SLC9C1: variants seen among roughly 807,000 people sequenced by gnomAD.
SLC9C1 encodes the protein solute carrier family 9 member C1, also known as sodium/hydrogen exchanger 10.
Under a neutral mutation model 140.9 loss-of-function variants are expected in SLC9C1, and 97 were observed. The observed-to-expected ratio is 0.69, with a 90% confidence interval of 0.58 to 0.82. SLC9C1 has a LOEUF of 0.82. Among genes scored for constraint, SLC9C1 ranks in the 40% least tolerant of loss-of-function variants. The probability of loss-of-function intolerance (pLI) is 0.00; values close to 1 mark genes in which losing one functional copy is unlikely to be tolerated. For missense variants in SLC9C1, 1,340 were observed against 1,389.3 expected, an observed-to-expected ratio of 0.96 and a Z score of 0.56; for synonymous variants, 440 against 442.6, an observed-to-expected ratio of 0.99 and a Z score of 0.07.
In SLC9C1 at chr3:112,164,835, G is replaced by C. The variant is rs140096302; in HGVS notation, c.3364+2386C>G. Among the ~76,000 whole-genome samples, 1,159 of 152,204 alleles carry C rather than the reference G, an allele frequency of 7.6e-3. 17 individuals carry two copies. Among genetic ancestry groups the C allele is most frequent in the African/African-American group, 0.025 (1,039 of 41,490 alleles). ...ATGTTGGCTGCCCTGCTAGATTGGG[G>C]AAGTTCTCCTGGATAATATCCTGCA... On this transcript the variant is annotated intron_variant, in intron 26 of 28. Coordinates refer to ENST00000305815, the MANE Select transcript of SLC9C1 (RefSeq NM_183061.3).
chr3:112,174,030 T>C (rs746992897), intron 23 of SLC9C1, among the ~76,000 whole-genome samples: 17 of 152,212 alleles, frequency 1.1e-4, no homozygotes, highest in Non-Finnish European at 1.6e-4. Flanking sequence ...CAAATGTAAA[T>C]GGTTAGTGAT....
intron 26 of SLC9C1, among the ~76,000 whole-genome samples, chr3:112,162,474 G>T (rs1411466888): frequency 6.6e-6 from 1 of 152,146 alleles, no homozygotes; most frequent in African/African-American, 2.4e-5. Context: ...AGAGTTTTTA[G>T]CATGAAGGGT....
chr3:112,280,772 G>A lies in SLC9C1; in HGVS notation c.100C>T (p.Arg34Trp), dbSNP rs754816914. 129 of 1,609,754 alleles carry A rather than the reference G, an allele frequency of 8.0e-5. No individual in the cohort carries two copies. The East Asian group carries it at 1.4e-3, about 18-fold the overall frequency. Reference protein sequence around the residue: ...LISSIGAFLNRHLEDFPIPVP... With the variant: ...LISSIGAFLNWHLEDFPIPVP... Reference sequence around the variant, plus strand: ...GGAATTGGAAAGTCTTCCAAGTGCCGGTTCAAAAATGCTGCAAAAAATATG... The same window carrying A: ...GGAATTGGAAAGTCTTCCAAGTGCCAGTTCAAAAATGCTGCAAAAAATATG... Residue 34 changes from arginine (R) to tryptophan (W), a missense_variant, in exon 3 of 29, where the codon CGG (arginine) becomes TGG (tryptophan). Arg to Trp is a moderately radical substitution (Grantham distance 101). Transcript: ENST00000305815.
chr3:112,141,357 AG>A, intron 28 of SLC9C1, 76 bp from the exon 29 acceptor site: 1 of 1,472,198 alleles, frequency 6.8e-7, no homozygotes, highest in Middle Eastern at 2.2e-4. Flanking sequence ...AACCCAGAAT[AG>A]GATGTACTAG....
intron 1 of SLC9C1, among the ~76,000 whole-genome samples, chr3:112,287,545 A>G (rs948174497): frequency 6.6e-6 from 1 of 152,216 alleles, no homozygotes; most frequent in African/African-American, 2.4e-5. Context: ...TACTTCTTGG[A>G]AGAGGAACAA....
chr3:112,211,925 C>G (rs1344005651), intron 15 of SLC9C1, among the ~76,000 whole-genome samples: 3 of 152,208 alleles, frequency 2.0e-5, no homozygotes, highest in African/African-American at 7.2e-5. Flanking sequence ...GGATCTCTGA[C>G]CCCCGAGTAG....
At chr3:112,233,536 G>A (rs757658426) in intron 12 of SLC9C1, among the ~76,000 whole-genome samples, 10 of 152,044 alleles carry the variant, frequency 6.6e-5, no homozygotes, top group Non-Finnish European at 1.3e-4. Context: ...CAATGTGCAA[G>A]TTAGTTACAT....
chr3:112,201,032 CTAATA>C (rs1392988070), intron 18 of SLC9C1, among the ~76,000 whole-genome samples: 1 of 151,706 alleles, frequency 6.6e-6, no homozygotes, highest in African/African-American at 2.4e-5. Flanking sequence ...GTATTAATTC[CTAATA>C]TAATTTGGAT....
In SLC9C1 at chr3:112,167,410, A is replaced by G. The variant is rs988882633; in HGVS notation, c.3238-63T>C. 25 of 1,481,376 alleles carry G rather than the reference A, an allele frequency of 1.7e-5. No homozygotes were observed. The African/African-American group carries it at 3.4e-4, about 20-fold the overall frequency. 91.8% of individuals were successfully genotyped at this position (1,481,376 alleles called of 1,614,324 possible). On this transcript the variant is annotated intron_variant, in intron 25 of 28. Transcript: ENST00000305815. ...ATATCCTACAATTAAAAATTTACCTAGTAAGCTGCTATTTCTGGCTTTCTC... is the reference window on the plus strand; with the variant it reads ...ATATCCTACAATTAAAAATTTACCTGGTAAGCTGCTATTTCTGGCTTTCTC...
intron 18 of SLC9C1, among the ~76,000 whole-genome samples, chr3:112,201,552 A>G (rs547952210): frequency 8.5e-5 from 13 of 152,098 alleles, no homozygotes; most frequent in African/African-American, 3.1e-4. Context: ...AAAAGTAAAT[A>G]TTGCATTCCA....
chr3:112,230,354 T>A (rs909625549), intron 13 of SLC9C1, among the ~76,000 whole-genome samples: 4 of 152,124 alleles, frequency 2.6e-5, no homozygotes, highest in Admixed American at 2.0e-4. Context: ...CCTTGGAGCA[T>A]CAGATTTAGG....
chr3:112,148,489 C>T (rs1343722984), intron 28 of SLC9C1, among the ~76,000 whole-genome samples: 1 of 151,934 alleles, frequency 6.6e-6, no homozygotes, highest in African/African-American at 2.4e-5. Context: ...CTTCCCTTTT[C>T]CCCCACTCCC....
chr3:112,223,004 T>G (rs986287357), intron 13 of SLC9C1, among the ~76,000 whole-genome samples: 4 of 152,046 alleles, frequency 2.6e-5, no homozygotes, highest in Non-Finnish European at 5.9e-5. Context: ...GCCAAACCAT[T>G]GAAAAATACA....
At chr3:112,271,393 G>GTATATATATATATATA (rs57918598) in intron 6 of SLC9C1, among the ~76,000 whole-genome samples, 10,255 of 125,166 alleles carry the variant, frequency 0.082, 815 homozygotes, top group African/African-American at 0.12. Context: ...ATTCTACATT[G>GTATATATATATATATA]TATATATATA....
In SLC9C1 at chr3:112,202,300, CT is replaced by C; in HGVS notation, c.2271del (p.Asp758ThrfsTer2). 6.2e-7 allele frequency: 1 copy of C among 1,611,570 alleles called. No individual in the cohort carries two copies. Among genetic ancestry groups the C allele is most frequent in the Non-Finnish European group, 8.5e-7 (1 of 1,178,944 alleles). On this transcript the variant is annotated frameshift_variant, in exon 18 of 29. Coordinates refer to ENST00000305815, the MANE Select transcript of SLC9C1 (RefSeq NM_183061.3). LOFTEE classifies it high-confidence loss of function. ...ATCTGATCAATTATGGTCATTATGT[CT>C]GCTTCGCCTTGGACATAGCCTTTTA... Reference protein sequence around the residue: ...GILKGYVQGEADIMTIIDQIT... With the variant: ...GILKGYVQGEXDIMTIIDQIT...
At position 112,168,882 on chromosome 3, in the gene SLC9C1, G is replaced by T; in HGVS notation, c.3232C>A (p.His1078Asn). The stretch of plus-strand genomic sequence containing the variant: ...AGGAATCAATATTTCTTTACCTGAT[G>T]GCATGTTATAGGAATTAAGAAAGGT... ...RAPFLIPITCHQIQSIEDFTK... is the reference protein window; with the variant it reads ...RAPFLIPITCNQIQSIEDFTK... The change falls in exon 25 of 29, where the codon CAT becomes AAT. Residue 1078 changes from histidine (H) to asparagine (N), a missense_variant. Transcript: ENST00000305815. 6.3e-7 allele frequency: 1 copy of T among 1,581,778 alleles called. No homozygotes were observed. The highest frequency in any genetic ancestry group is 8.6e-7 in the Non-Finnish European group (1 of 1,168,552).
chr3:112,180,325 C>G (rs2107954292), intron 22 of SLC9C1, among the ~76,000 whole-genome samples: 1 of 152,164 alleles, frequency 6.6e-6, no homozygotes, highest in South Asian at 2.1e-4. Flanking sequence ...AGTTTGAGAC[C>G]AGCCTGGCTA....
At chr3:112,289,540 C>T (rs140185485) in intron 1 of SLC9C1, among the ~76,000 whole-genome samples, 17 of 152,240 alleles carry the variant, frequency 1.1e-4, no homozygotes, top group African/African-American at 3.9e-4. Context: ...GCACAACAAC[C>T]TTTGTGTCTC....
At chr3:112,237,767 G>A (rs2079030574) in intron 12 of SLC9C1, among the ~76,000 whole-genome samples, 1 of 152,104 alleles carries the variant, frequency 6.6e-6, no homozygotes, top group Admixed American at 6.5e-5. Context: ...TTTTCTCTGA[G>A]AATGTTGAAT....
Sources: allele counts gnomAD v4.1 joint callset (sites outside exome capture counted in the v4.1 genomes callset), GRCh38; gene constraint gnomAD v4.1.1; transcripts MANE v1.5; gene names NCBI Gene and HGNC (gene_info 2026-07-23, HGNC 2026-07-21).